The following DOCK8 variants were observed in gnomAD, a reference collection of about 807,000 sequenced individuals.
DOCK8 encodes dedicator of cytokinesis protein 8.
A neutral mutation model predicts 245.6 loss-of-function variants in DOCK8; 141 were observed. That is an observed-to-expected ratio of 0.57 (90% CI 0.50 to 0.66). The LOEUF (loss-of-function observed/expected upper bound fraction) is 0.66. Ranked by LOEUF, DOCK8 falls within the 30% of genes least tolerant of loss-of-function variation. The pLI is 0.00. For missense variants in DOCK8, 2,965 were observed against 2,603.4 expected, an observed-to-expected ratio of 1.14 and a Z score of -3.02; for synonymous variants, 1,168 against 970.2, an observed-to-expected ratio of 1.20 and a Z score of -3.79.
At chr9:248,347 T>A (rs190571877) in intron 1 of DOCK8, among the ~76,000 whole-genome samples, 1 of 152,218 alleles carries the variant, frequency 6.6e-6, no homozygotes, top group Non-Finnish European at 1.5e-5. Flanking sequence ...CATTACCAAT[T>A]TTATTTGGTC....
intron 1 of DOCK8, among the ~76,000 whole-genome samples, chr9:241,213 A>G (rs2047366379): frequency 1.3e-5 from 2 of 152,208 alleles, no homozygotes; most frequent in South Asian, 4.1e-4. Flanking sequence ...TCAAACTCTA[A>G]TCATTTCTTT....
intron 14 of DOCK8, among the ~76,000 whole-genome samples, chr9:360,199 C>G (rs891048754): frequency 3.9e-5 from 6 of 152,004 alleles, no homozygotes; most frequent in Non-Finnish European, 5.9e-5. Context: ...TCCTGTAGTC[C>G]CAGCTACTCA....
chr9:402,026 C>T (rs898273384), intron 26 of DOCK8, among the ~76,000 whole-genome samples: 1 of 152,108 alleles, frequency 6.6e-6, no homozygotes, highest in Non-Finnish European at 1.5e-5. Context: ...ATTTAGGATT[C>T]CAGGTTAGTC....
rs377077516 is a variant in DOCK8, at chr9:439,237, T to C, written c.5080-8T>C. ...TGTTCTCCAGGCTTATACTGTGGTC[T>C]CTTTCAGAATATTTCTTCCAATGTG... On this transcript the variant is annotated splice_region_variant and splice_polypyrimidine_tract_variant and intron_variant, in intron 39 of 47. Coordinates refer to ENST00000432829, the MANE Select transcript of DOCK8 (RefSeq NM_203447.4). 7.0e-5 allele frequency: 113 copies of C among 1,614,082 alleles called. No homozygotes were observed. Among genetic ancestry groups the C allele is most frequent in the Non-Finnish European group, 9.3e-5 (110 of 1,180,026 alleles).
rs181529065 is a variant in DOCK8 at position 311,012 on chromosome 9, G to A, written c.529-942G>A. Reference sequence around the variant, plus strand: ...ATTAAAGACTTAAATGGGGCCGGGCGCAGTGGCTCACCCCTGTAATCCTAG... The same window carrying A: ...ATTAAAGACTTAAATGGGGCCGGGCACAGTGGCTCACCCCTGTAATCCTAG... On this transcript the variant is annotated intron_variant, in intron 5 of 47. Coordinates refer to ENST00000432829, the MANE Select transcript of DOCK8 (RefSeq NM_203447.4). Among the ~76,000 whole-genome samples the A allele has an allele frequency of 2.7e-3, 418 of 152,208 alleles. 2 individuals are homozygous for A. Among genetic ancestry groups the A allele is most frequent in the African/African-American group, 9.7e-3 (402 of 41,550 alleles).
intron 46 of DOCK8, chr9:456,367 G>A (rs1022193865): frequency 6.6e-5 from 10 of 152,212 alleles, no homozygotes; most frequent in South Asian, 6.2e-4. Flanking sequence ...CGCAGAAGTG[G>A]AAAATATTTG....
intron 1 of DOCK8, among the ~76,000 whole-genome samples, chr9:239,310 G>A (rs763730780): frequency 6.6e-6 from 1 of 152,150 alleles, no homozygotes; most frequent in Non-Finnish European, 1.5e-5. Context: ...AATTTCCCCT[G>A]GAGCTCACAT....
chr9:383,459 G>A (rs2053812783), intron 22 of DOCK8, among the ~76,000 whole-genome samples: 1 of 152,176 alleles, frequency 6.6e-6, no homozygotes, highest in African/African-American at 2.4e-5. Flanking sequence ...TTCAACCCAG[G>A]AGGCAGAGGT....
At chr9:420,136 G>T in intron 30 of DOCK8, 2 of 520,804 alleles carry the variant, frequency 3.8e-6, no homozygotes, top group South Asian at 4.0e-5. Flanking sequence ...TAAGACAGAG[G>T]TACTCAGATA....
In DOCK8 at chr9:403,860, C is replaced by CTCTCTG. The variant is rs796307530; in HGVS notation, c.3235-1053_3235-1052insGTCTCT. On this transcript the variant is annotated intron_variant, in intron 26 of 47. Transcript: ENST00000432829. ...AGTTCAACAGAGCAAGACTCTGTAT[C>CTCTCTG]TCTCTCTCTCTCTCTCTCTCTCTCT... is the stretch of plus-strand genomic sequence containing the variant. Among the ~76,000 whole-genome samples the CTCTCTG allele has an allele frequency of 7.3e-4, 45 of 61,320 alleles. 1 individual carries two copies. The highest frequency in any genetic ancestry group is 2.8e-3 in the East Asian group (6 of 2,166). 40.2% of individuals were successfully genotyped at this position (61,320 alleles called of 152,430 possible). A position where few individuals can be genotyped will look rare whatever the true frequency, so the allele number is the denominator to read the frequency against.
intron 1 of DOCK8, among the ~76,000 whole-genome samples, chr9:227,615 C>A (rs519184): frequency 6.6e-6 from 1 of 151,944 alleles, no homozygotes; most frequent in Non-Finnish European, 1.5e-5. Context: ...CTCACCATAA[C>A]CTAGCCCACC....
intron 18 of DOCK8, among the ~76,000 whole-genome samples, chr9:373,238 C>G (rs573531439): frequency 3.9e-5 from 6 of 152,302 alleles, no homozygotes; most frequent in African/African-American, 1.4e-4. Context: ...AGCTGTCACA[C>G]TGCTAGCCCA....
chr9:278,934 C>T (rs1373974288), intron 2 of DOCK8, among the ~76,000 whole-genome samples: 1 of 152,180 alleles, frequency 6.6e-6, no homozygotes, highest in Non-Finnish European at 1.5e-5. Context: ...GAGGATCACT[C>T]TGGCTGCAGT....
intron 1 of DOCK8, among the ~76,000 whole-genome samples, chr9:259,964 C>G (rs2047877141): frequency 6.6e-6 from 1 of 152,220 alleles, no homozygotes; most frequent in Non-Finnish European, 1.5e-5. Context: ...TTTAGCCAGG[C>G]TATGTGGCTT....
chr9:423,953 G>T (rs547133286), intron 33 of DOCK8, among the ~76,000 whole-genome samples: 128 of 152,150 alleles, frequency 8.4e-4, no homozygotes, highest in African/African-American at 2.8e-3. Flanking sequence ...TCCTTACCAC[G>T]CATGGCCTAC....
intron 1 of DOCK8, among the ~76,000 whole-genome samples, chr9:222,271 A>C (rs939898263): frequency 6.6e-5 from 10 of 152,048 alleles, no homozygotes; most frequent in African/African-American, 9.7e-5. Flanking sequence ...TCAAAAAAAA[A>C]ACACAAAAAA....
intron 1 of DOCK8, among the ~76,000 whole-genome samples, chr9:228,770 G>T (rs562119425): frequency 6.6e-6 from 1 of 152,232 alleles, no homozygotes; most frequent in South Asian, 2.1e-4. Context: ...CAATTCTGTG[G>T]GTTGGCAATT....
At chr9:391,680 T>C (rs1013514967) in intron 24 of DOCK8, among the ~76,000 whole-genome samples, 1 of 152,140 alleles carries the variant, frequency 6.6e-6, no homozygotes, top group African/African-American at 2.4e-5. Flanking sequence ...TGATGTTGAA[T>C]GAAAGAGGTC....
chr9:325,423 T>TGA (rs968499240), intron 7 of DOCK8, among the ~76,000 whole-genome samples: 4 of 152,166 alleles, frequency 2.6e-5, no homozygotes, highest in African/African-American at 9.7e-5. Context: ...AGTGAATGAG[T>TGA]GAGATATTCC....
Sources: gnomAD v4.1 joint callset for allele counts (sites outside exome capture counted in the v4.1 genomes callset) on GRCh38, gnomAD v4.1.1 for gene constraint, MANE v1.5 for transcripts, NCBI Gene and HGNC (gene_info 2026-07-23, HGNC 2026-07-21) for gene names.